Variants in RIMKLB observed in about 807,000 individuals in gnomAD.
RIMKLB encodes beta-citrylglutamate synthase B.
Under a neutral mutation model 32.0 loss-of-function variants are expected in RIMKLB, and 7 were observed. The observed-to-expected ratio is 0.22, with a 90% CI of 0.12 to 0.41. The LOEUF (loss-of-function observed/expected upper bound fraction) is 0.41, where lower values mean the gene tolerates loss of function less well. RIMKLB is among the 10% of genes least tolerant of loss of function. The pLI, the probability that RIMKLB is intolerant of heterozygous loss-of-function variation, is 1.00. For synonymous variants in RIMKLB, 172 were observed against 185.1 expected (o/e 0.93, Z 0.57); for missense variants, 289 against 498.7 (o/e 0.58, Z 4.00).
At chr12:8,710,097 C>G (rs1245486597) in intron 1 of RIMKLB, among the ~76,000 whole-genome samples, 2 of 151,946 alleles carry the variant, frequency 1.3e-5, no homozygotes, top group Non-Finnish European at 2.9e-5. Context: ...AGTGATTCTC[C>G]TGCCTCCGCC....
At chr12:8,767,804 C>T (rs1950094207) in intron 5 of RIMKLB, among the ~76,000 whole-genome samples, 1 of 152,356 alleles carries the variant, frequency 6.6e-6, no homozygotes, top group East Asian at 1.9e-4. Context: ...GACAACCTCA[C>T]ACCTGAGTCT....
chr12:8,782,994 C>A (rs1038778119), exon 8 of RIMKLB: 6 of 152,144 alleles, frequency 3.9e-5, no homozygotes, highest in African/African-American at 1.2e-4. Context: ...TGTGCTTTTT[C>A]AAGTGGAGAA....
intron 2 of RIMKLB, among the ~76,000 whole-genome samples, chr12:8,723,808 T>A: frequency 7.6e-6 from 1 of 131,282 alleles, no homozygotes; most frequent in East Asian, 2.1e-4. Flanking sequence ...AGTTCCCTTT[T>A]TTTTTTTTTT....
At chr12:8,698,721 A>C (rs1439871) in intron 1 of RIMKLB, among the ~76,000 whole-genome samples, 50,203 of 123,356 alleles carry the variant, frequency 0.41, 8,554 homozygotes, top group South Asian at 0.56. Context: ...CCCCCTTCCC[A>C]CAAATTCTAT....
intron 1 of RIMKLB, among the ~76,000 whole-genome samples, chr12:8,704,999 C>CACACACACACACACACACACACAAA (rs35908223): frequency 3.3e-5 from 5 of 151,540 alleles, no homozygotes; most frequent in African/African-American, 1.2e-4. Context: ...CACACACACA[C>CACACACACACACACACACACACAAA]AAAACCCCAA....
At position 8,698,004 on chromosome 12, in the gene RIMKLB, G is replaced by A. The variant is rs1199522112; in HGVS notation, c.-350G>A. 2 of 166,508 alleles carry A rather than the reference G, an allele frequency of 1.2e-5. No homozygotes were observed. The highest frequency in any genetic ancestry group is 4.8e-5 in the African/African-American group (2 of 41,374). The allele number at this position is 166,508 out of a possible 1,614,324, so 10.3% of individuals were successfully genotyped here. On this transcript the variant is annotated 5_prime_UTR_variant, in exon 1 of 6. Coordinates refer to ENST00000535829, the MANE Select transcript of RIMKLB (RefSeq NM_001297776.2). ...TCGCGCGCGCGCGCGGCAGGCGAGT[G>A]AGGGAACGAGGAGCGGCCGGGTGTG... is the stretch of plus-strand genomic sequence containing the variant.
intron 5 of RIMKLB, among the ~76,000 whole-genome samples, chr12:8,761,519 C>A (rs1261104648): frequency 6.6e-6 from 1 of 152,082 alleles, no homozygotes; most frequent in East Asian, 1.9e-4. Flanking sequence ...ATATACCGAT[C>A]ATTGCCCCTC....
In RIMKLB at chr12:8,776,556, AATTGT is replaced by A. The variant is rs1352772130; in HGVS notation, c.*2776_*2780del. 1 of 812,376 alleles carries A rather than the reference AATTGT, an allele frequency of 1.2e-6. No homozygotes were observed. Among genetic ancestry groups the A allele is most frequent in the African/African-American group, 1.9e-5 (1 of 53,708 alleles). 50.3% of individuals were successfully genotyped at this position (812,376 alleles called of 1,614,324 possible). A position where few individuals can be genotyped will look rare whatever the true frequency, so the allele number is the denominator to read the frequency against. On this transcript the variant is annotated 3_prime_UTR_variant, in exon 6 of 6. Coordinates refer to ENST00000535829, the MANE Select transcript of RIMKLB (RefSeq NM_001297776.2). The stretch of plus-strand genomic sequence containing the variant: ...GTATATTGTTAAAATTGTAATTCTA[AATTGT>A]ATTTCAAAAATGATTATTTCTGATA...
chr12:8,757,601 C>T (rs1355318697), intron 5 of RIMKLB, among the ~76,000 whole-genome samples: 1 of 152,104 alleles, frequency 6.6e-6, no homozygotes, highest in Non-Finnish European at 1.5e-5. Flanking sequence ...TCTCTCTGAT[C>T]ATTTTCTTCT....
chr12:8,768,356 A>G (rs1950142054), intron 5 of RIMKLB, among the ~76,000 whole-genome samples: 1 of 152,190 alleles, frequency 6.6e-6, no homozygotes. Flanking sequence ...ACAGTGAGCA[A>G]AAGCTCAGCT....
At chr12:8,762,238 T>C (rs996059906) in intron 5 of RIMKLB, among the ~76,000 whole-genome samples, 2 of 152,186 alleles carry the variant, frequency 1.3e-5, no homozygotes, top group Admixed American at 1.3e-4. Context: ...GGGTTTTAAG[T>C]AACTACCATT....
chr12:8,736,517 C>CTTTTT (rs1157484475), intron 2 of RIMKLB, among the ~76,000 whole-genome samples: 1,631 of 126,620 alleles, frequency 0.013, 43 homozygotes, highest in African/African-American at 0.046. Context: ...CATGTATTTC[C>CTTTTT]TTTTTTTTTT....
At chr12:8,757,145 TAATA>T (rs932701060) in intron 5 of RIMKLB, among the ~76,000 whole-genome samples, 3 of 152,176 alleles carry the variant, frequency 2.0e-5, no homozygotes, top group African/African-American at 7.2e-5. Context: ...GAGATTTAAT[TAATA>T]GTTACTCTTC....
chr12:8,738,583 A>G (rs1266901716), intron 2 of RIMKLB, among the ~76,000 whole-genome samples: 1 of 152,218 alleles, frequency 6.6e-6, no homozygotes, highest in African/African-American at 2.4e-5. Flanking sequence ...TCATTATTTC[A>G]TAAGACTTTT....
At chr12:8,753,590 G>A (rs755159046) in intron 4 of RIMKLB, among the ~76,000 whole-genome samples, 1 of 152,250 alleles carries the variant, frequency 6.6e-6, no homozygotes, top group South Asian at 2.1e-4. Flanking sequence ...TAGTGAATAA[G>A]GTTTCATTAT....
intron 3 of RIMKLB, among the ~76,000 whole-genome samples, chr12:8,751,626 T>C (rs761932373): frequency 7.2e-5 from 11 of 152,300 alleles, no homozygotes; most frequent in East Asian, 3.9e-4. Context: ...GAATTGAATA[T>C]ATTAAAGTAA....
intron 2 of RIMKLB, among the ~76,000 whole-genome samples, chr12:8,720,185 A>G (rs1299364533): frequency 6.6e-6 from 1 of 152,220 alleles, no homozygotes; most frequent in Non-Finnish European, 1.5e-5. Context: ...TAGAACATTA[A>G]GACATTGAGG....
In RIMKLB at chr12:8,775,251, TATTTAGTA is replaced by T; in HGVS notation, c.*1468_*1475del. ...GGTTGGATGTTTTTGTTTGGGGACT[TATTTAGTA>T]GTATTGAGTCTCTTATAGCCCTACT... On this transcript the variant is annotated 3_prime_UTR_variant, in exon 6 of 6. Transcript: ENST00000535829. The T allele has an allele frequency of 1.0e-6, 1 of 985,612 alleles. No individual in the cohort carries two copies. Among genetic ancestry groups the T allele is most frequent in the Non-Finnish European group, 1.2e-6 (1 of 829,810 alleles). The allele number at this position is 985,612 out of a possible 1,614,324, so 61.1% of individuals were successfully genotyped here.
At chr12:8,720,832 G>A (rs568092114) in intron 2 of RIMKLB, among the ~76,000 whole-genome samples, 3 of 152,090 alleles carry the variant, frequency 2.0e-5, no homozygotes, top group African/African-American at 2.4e-5. Flanking sequence ...GAGCCACCGC[G>A]CCTGGCCTAC....
Sources: allele counts gnomAD v4.1 joint callset (sites outside exome capture counted in the v4.1 genomes callset), GRCh38; gene constraint gnomAD v4.1.1; transcripts MANE v1.5; gene names NCBI Gene and HGNC (gene_info 2026-07-23, HGNC 2026-07-21).